Variants in CCDC18 observed in about 807,000 individuals in gnomAD.
CCDC18 encodes the protein coiled-coil domain containing 18.
CCDC18 carries 157 observed loss-of-function variants against 196.0 expected under a neutral mutation model. The ratio of observed to expected loss-of-function variants is 0.80; its 90% CI spans 0.70 to 0.91. CCDC18 has a LOEUF of 0.91. Ranked by LOEUF, CCDC18 falls within the 40% of genes least tolerant of loss-of-function variation. CCDC18 has a pLI of 0.00. For missense variants in CCDC18, 1,465 were observed against 1,611.6 expected (o/e 0.91, Z 1.56); for synonymous variants, 482 against 529.2 (o/e 0.91, Z 1.22).
intron 17 of CCDC18, among the ~76,000 whole-genome samples, chr1:93,227,252 G>A (rs1201593051): frequency 7.4e-6 from 1 of 134,276 alleles, no homozygotes; most frequent in East Asian, 2.1e-4. Context: ...TCCACCTCCT[G>A]GGTTCAAGCA....
chr1:93,210,988 C>G, intron 10 of CCDC18, 62 bp downstream of exon 10: 1 of 1,558,802 alleles, frequency 6.4e-7, no homozygotes, highest in South Asian at 1.1e-5. Flanking sequence ...AATTAAGACC[C>G]TTAATTGGCC....
intron 6 of CCDC18, among the ~76,000 whole-genome samples, chr1:93,201,061 G>A (rs914976683): frequency 6.6e-6 from 1 of 152,160 alleles, no homozygotes; most frequent in African/African-American, 2.4e-5. Context: ...AGAAAGTTAG[G>A]AGTACTTTTA....
At chr1:93,277,967 T>C (rs1665718004) in intron 28 of CCDC18, among the ~76,000 whole-genome samples, 2 of 152,036 alleles carry the variant, frequency 1.3e-5, no homozygotes, top group South Asian at 4.1e-4. Flanking sequence ...ATTATTTGCT[T>C]TTATTTTTTA....
At position 93,239,688 on chromosome 1, in the gene CCDC18, G is replaced by A. The variant is rs758037838; in HGVS notation, c.2773G>A (p.Glu925Lys). 45 of 1,603,532 alleles carry A rather than the reference G, an allele frequency of 2.8e-5. No homozygotes were observed. Among genetic ancestry groups the A allele is most frequent in the Middle Eastern group, 3.3e-4 (2 of 6,004 alleles). ...TTATTCTCTCCTCTTAATAGTAAAG[G>A]AGTTAGAAAAGTTACAGCACAGTAC... ...ELEKKTNAVK[E>K]LEKLQHSTET... Residue 925 changes from glutamate (E) to lysine (K), a missense_variant, in exon 21 of 29, where the codon GAG (glutamate) becomes AAG (lysine). Coordinates refer to ENST00000690025, the MANE Select transcript of CCDC18 (RefSeq NM_001378204.1).
chr1:93,195,526 G>T (rs1571366208), intron 6 of CCDC18, among the ~76,000 whole-genome samples: 1 of 152,108 alleles, frequency 6.6e-6, no homozygotes, highest in Admixed American at 6.6e-5. Flanking sequence ...CCAATTTTTT[G>T]TATTGGAAAC....
chr1:93,202,525 A>C (rs1454186135), intron 7 of CCDC18, among the ~76,000 whole-genome samples: 3 of 152,208 alleles, frequency 2.0e-5, no homozygotes, highest in Non-Finnish European at 4.4e-5. Flanking sequence ...TTGGATATTC[A>C]GATATTGAGC....
chr1:93,215,458 T>C (rs1336872525), intron 12 of CCDC18, among the ~76,000 whole-genome samples: 1 of 150,742 alleles, frequency 6.6e-6, no homozygotes, highest in Non-Finnish European at 1.5e-5. Flanking sequence ...TCTTTTTCTT[T>C]TTTTTTTTTT....
chr1:93,208,789 C>T lies in CCDC18; in HGVS notation c.1209+1391C>T, dbSNP rs568860414. ...TCAAGCGATTTTCCTGCCTTATCCT[C>T]CCAAGCAGCTCAAACTATAGCACGC... On this transcript the variant is annotated intron_variant, in intron 9 of 28. Coordinates refer to ENST00000690025, the MANE Select transcript of CCDC18 (RefSeq NM_001378204.1). 7.0e-4 allele frequency among the ~76,000 whole-genome samples: 106 copies of T among 152,208 alleles called. 1 individual carries two copies. Among genetic ancestry groups the T allele is most frequent in the Middle Eastern group, 6.8e-3 (2 of 294 alleles).
intron 21 of CCDC18, among the ~76,000 whole-genome samples, chr1:93,241,988 T>C (rs1426316425): frequency 6.6e-6 from 1 of 152,168 alleles, no homozygotes; most frequent in Non-Finnish European, 1.5e-5. Context: ...TAGAAAACAC[T>C]TTAGCCTTCC....
chr1:93,261,797 T>C (rs1394597958), intron 26 of CCDC18, among the ~76,000 whole-genome samples: 5 of 152,200 alleles, frequency 3.3e-5, no homozygotes, highest in Non-Finnish European at 5.9e-5. Flanking sequence ...TATGTAGACA[T>C]AATTATTCTA....
intron 21 of CCDC18, among the ~76,000 whole-genome samples, chr1:93,242,387 G>A (rs1165014431): frequency 6.6e-6 from 1 of 152,138 alleles, no homozygotes; most frequent in African/African-American, 2.4e-5. Context: ...TCTTGAGACT[G>A]ATTCACTCTC....
chr1:93,260,191 C>T (rs953729216), intron 26 of CCDC18, among the ~76,000 whole-genome samples: 5 of 152,148 alleles, frequency 3.3e-5, no homozygotes, highest in African/African-American at 1.2e-4. Context: ...CGAGACCAGC[C>T]TGACCAACAT....
At chr1:93,197,745 C>CTTTTTTTTTTTTTTTTTTTTTTTTTTTT (rs71094240) in intron 6 of CCDC18, among the ~76,000 whole-genome samples, 1 of 76,008 alleles carries the variant, frequency 1.3e-5, no homozygotes, top group Non-Finnish European at 2.4e-5. Context: ...CTTTTCTTTT[C>CTTTTTTTTTTTTTTTTTTTTTTTTTTTT]TTTTTTTTTT....
At chr1:93,231,492 C>T (rs955938515) in intron 17 of CCDC18, among the ~76,000 whole-genome samples, 8 of 152,024 alleles carry the variant, frequency 5.3e-5, no homozygotes, top group African/African-American at 1.9e-4. Flanking sequence ...ACAATCATCA[C>T]TTATTAAATC....
At chr1:93,229,381 T>A (rs1277538496) in intron 17 of CCDC18, among the ~76,000 whole-genome samples, 1 of 152,236 alleles carries the variant, frequency 6.6e-6, no homozygotes, top group African/African-American at 2.4e-5. Flanking sequence ...CAGAGAAAAT[T>A]CTTTCTAATG....
At chr1:93,215,004 T>C (rs1190021104) in intron 12 of CCDC18, 38 bp downstream of exon 12, 1 of 1,307,646 alleles carries the variant, frequency 7.6e-7, no homozygotes, top group East Asian at 2.5e-5. Context: ...TGTTAATTTT[T>C]GAACTAGAAC....
intron 28 of CCDC18, among the ~76,000 whole-genome samples, chr1:93,277,685 C>T (rs1319000290): frequency 1.3e-5 from 2 of 151,656 alleles, no homozygotes; most frequent in Non-Finnish European, 2.9e-5. Context: ...AAAATGGAGT[C>T]TCCTATGTCT....
chr1:93,226,385 A>AT lies in CCDC18; in HGVS notation c.2231dup (p.Leu744PhefsTer8), dbSNP rs1292432541. ...ATTTGTAAGGAAGAACTTGTCTTGC[A>AT]TTTGAATCAATTGGAAGGAAATAAG... On this transcript the variant is annotated frameshift_variant, in exon 17 of 29. Transcript: ENST00000690025. LOFTEE classifies it high-confidence loss of function. 1.3e-6 allele frequency: 2 copies of AT among 1,599,270 alleles called. No homozygotes were observed. Among genetic ancestry groups the AT allele is most frequent in the Non-Finnish European group, 1.7e-6 (2 of 1,172,466 alleles).
chr1:93,185,997 A>G (rs985996743), intron 3 of CCDC18, among the ~76,000 whole-genome samples: 4 of 151,964 alleles, frequency 2.6e-5, no homozygotes, highest in African/African-American at 7.2e-5. Flanking sequence ...CAATGTAGCT[A>G]TGAATAGTTT....
Sources: gnomAD v4.1 joint callset for allele counts (sites outside exome capture counted in the v4.1 genomes callset) on GRCh38, gnomAD v4.1.1 for gene constraint, MANE v1.5 for transcripts, NCBI Gene and HGNC (gene_info 2026-07-23, HGNC 2026-07-21) for gene names.